CADPS: variants seen among roughly 807,000 people sequenced by gnomAD.
The protein encoded by CADPS is calcium dependent secretion activator.
Under a neutral mutation model 167.3 loss-of-function variants are expected in CADPS, and 57 were observed. That is an observed-to-expected ratio of 0.34 (90% confidence interval 0.28 to 0.42). The LOEUF (loss-of-function observed/expected upper bound fraction) is 0.42. Among genes scored for constraint, CADPS ranks in the 20% least tolerant of loss-of-function variants. CADPS has a pLI of 1.00. For missense variants in CADPS, 1,414 were observed against 1,738.1 expected, an observed-to-expected ratio of 0.81 and a Z score of 3.32; for synonymous variants, 676 against 635.3, an observed-to-expected ratio of 1.06 and a Z score of -0.96.
intron 17 of CADPS, among the ~76,000 whole-genome samples, chr3:62,506,107 C>T (rs569572306): frequency 1.1e-3 from 174 of 152,254 alleles, no homozygotes; most frequent in Middle Eastern, 6.8e-3. Context: ...CTATTTAAGA[C>T]AGCTGTGCGC....
At chr3:62,856,696 T>C (rs1224032144) in intron 1 of CADPS, among the ~76,000 whole-genome samples, 1 of 151,842 alleles carries the variant, frequency 6.6e-6, no homozygotes. Context: ...ATTAATAATA[T>C]TAATACAATA....
At chr3:62,570,218 A>C (rs2081032339) in intron 9 of CADPS, among the ~76,000 whole-genome samples, 1 of 145,186 alleles carries the variant, frequency 6.9e-6, no homozygotes, top group Non-Finnish European at 1.5e-5. Context: ...AACAACTTGA[A>C]GAATTTGGTT....
intron 8 of CADPS, among the ~76,000 whole-genome samples, chr3:62,582,115 A>T (rs529269078): frequency 6.6e-6 from 1 of 152,292 alleles, no homozygotes; most frequent in Non-Finnish European, 1.5e-5. Flanking sequence ...AAACCTTAAC[A>T]TGGGAACAAT....
rs1704844135 is a variant in CADPS, at chr3:62,398,535, A to T, written c.*871T>A. 1 of 152,682 alleles carries T rather than the reference A, an allele frequency of 6.5e-6. No homozygotes were observed. The highest frequency in any genetic ancestry group is 6.5e-5 in the Admixed American group (1 of 15,284). The allele number at this position is 152,682 out of a possible 1,614,324, so 9.5% of individuals were successfully genotyped here. On this transcript the variant is annotated 3_prime_UTR_variant, in exon 30 of 30. Transcript: ENST00000383710. Reference sequence around the variant, plus strand: ...AATGTACATGACAGATATAAAAAACAGTGTGGAACAAAATAATTTAAATTA... The same window carrying T: ...AATGTACATGACAGATATAAAAAACTGTGTGGAACAAAATAATTTAAATTA...
intron 1 of CADPS, among the ~76,000 whole-genome samples, chr3:62,829,928 G>A (rs2074766187): frequency 6.6e-6 from 1 of 152,122 alleles, no homozygotes; most frequent in Non-Finnish European, 1.5e-5. Context: ...CTGACCAACA[G>A]CCAACTTGTT....
chr3:62,651,901 A>AT lies in CADPS; in HGVS notation c.970-822dup, dbSNP rs573976195. Among the ~76,000 whole-genome samples, 78 of 150,824 alleles carry AT rather than the reference A, an allele frequency of 5.2e-4. No homozygotes were observed. In the South Asian group the frequency reaches 0.013, roughly 25 times the overall value. On this transcript the variant is annotated intron_variant, in intron 4 of 29. Transcript: ENST00000383710. The stretch of plus-strand genomic sequence containing the variant: ...CAAGCCAAGTCAGTTTGACATTTTT[A>AT]TTTTTTTTTGCAAGTGACAGAAAAA...
chr3:62,615,103 A>T (rs1408305901), intron 6 of CADPS, among the ~76,000 whole-genome samples: 1 of 152,182 alleles, frequency 6.6e-6, no homozygotes, highest in Non-Finnish European at 1.5e-5. Flanking sequence ...GGACAAGAGA[A>T]TGGTCTGAGA....
chr3:62,810,836 G>T (rs958240609), intron 1 of CADPS, among the ~76,000 whole-genome samples: 1 of 152,216 alleles, frequency 6.6e-6, no homozygotes, highest in Non-Finnish European at 1.5e-5. Context: ...TTGTGAGGGC[G>T]CAGGGCTCTT....
intron 1 of CADPS, among the ~76,000 whole-genome samples, chr3:62,842,762 T>G (rs2076827556): frequency 6.6e-6 from 1 of 152,190 alleles, no homozygotes; most frequent in African/African-American, 2.4e-5. Flanking sequence ...ACCCATGCCC[T>G]CTGATTAGAA....
chr3:62,819,400 C>CTGTG (rs1365425398), intron 1 of CADPS, among the ~76,000 whole-genome samples: 1 of 128,718 alleles, frequency 7.8e-6, no homozygotes, highest in East Asian at 2.4e-4. Flanking sequence ...CAATGACAAT[C>CTGTG]TGTGTGCGTG....
intron 9 of CADPS, among the ~76,000 whole-genome samples, chr3:62,561,078 CAAAAAAAAAAAA>C (rs34584073): frequency 8.9e-4 from 74 of 83,576 alleles, no homozygotes; most frequent in African/African-American, 3.7e-3. Flanking sequence ...AACTCCATCT[CAAAAAAAAAAAA>C]AAAAAAAAGA....
intron 17 of CADPS, among the ~76,000 whole-genome samples, chr3:62,501,786 T>G (rs1227082462): frequency 6.6e-6 from 1 of 152,222 alleles, no homozygotes; most frequent in African/African-American, 2.4e-5. Context: ...ATCCAAGATG[T>G]TGAAGCTAGG....
rs990278950 is a variant in CADPS at position 62,421,210 on chromosome 3, C to T, written c.3777+16894G>A. Reference sequence around the variant, plus strand: ...TCACTCTGCCTTGCCGTCAATGCTTCTCGTCCACAAGGCTCCCTCCCCCTT... The same window carrying T: ...TCACTCTGCCTTGCCGTCAATGCTTTTCGTCCACAAGGCTCCCTCCCCCTT... On this transcript the variant is annotated intron_variant, in intron 28 of 29. Transcript: ENST00000383710. The surrounding 1 kb of genome is among the most constrained non-coding windows in gnomAD (Gnocchi z 4.7). Among the ~76,000 whole-genome samples the T allele has an allele frequency of 6.6e-6, 1 of 152,150 alleles. No individual in the cohort carries two copies. Among genetic ancestry groups the T allele is most frequent in the South Asian group, 2.1e-4 (1 of 4,814 alleles).
chr3:62,445,766 G>A lies in CADPS; in HGVS notation c.3668C>T (p.Pro1223Leu). ...GAGAAACAATTTTCAAATACTCACAGGTACATCCACATATTTGGAAGCTGC... is the reference window on the plus strand; with the variant it reads ...GAGAAACAATTTTCAAATACTCACAAGTACATCCACATATTTGGAAGCTGC... ...VKAASKYVDV[P>L]KPGMDVADAY... is the part of the protein sequence containing the mutation. Residue 1223 changes from proline (P) to leucine (L), a missense_variant and splice_region_variant, in exon 27 of 30, where the codon CCT becomes CTT. Pro to Leu is a moderately conservative substitution (Grantham distance 98). Around this residue, in one of 6 missense-constraint regions of CADPS, gnomAD observed 185 missense variants for 251.5 expected, o/e 0.74. Transcript: ENST00000383710. The A allele has an allele frequency of 2.0e-6, 3 of 1,512,708 alleles. No homozygotes were observed. Among genetic ancestry groups the A allele is most frequent in the African/African-American group, 1.5e-5 (1 of 68,358 alleles). The allele number at this position is 1,512,708 out of a possible 1,614,324, so 93.7% of individuals were successfully genotyped here. A position where few individuals can be genotyped will look rare whatever the true frequency, so the allele number is the denominator to read the frequency against.
intron 1 of CADPS, among the ~76,000 whole-genome samples, chr3:62,772,487 A>C (rs923500630): frequency 1.3e-5 from 2 of 152,328 alleles, no homozygotes; most frequent in African/African-American, 4.8e-5. Context: ...TATTGTCTAT[A>C]GCCATGGTAT....
chr3:62,534,325 C>A (rs1027966081), intron 12 of CADPS, among the ~76,000 whole-genome samples: 2 of 152,114 alleles, frequency 1.3e-5, no homozygotes, highest in African/African-American at 4.8e-5. Flanking sequence ...AGAAGTACAG[C>A]GAGAGAGGCC....
intron 3 of CADPS, among the ~76,000 whole-genome samples, chr3:62,693,073 C>T (rs553025325): frequency 9.4e-4 from 143 of 152,122 alleles, no homozygotes; most frequent in Non-Finnish European, 1.7e-3. Context: ...GCCCTGCTTA[C>T]AATTTCTCGT....
chr3:62,454,423 T>C (rs185855275), intron 26 of CADPS, among the ~76,000 whole-genome samples: 1 of 152,270 alleles, frequency 6.6e-6, no homozygotes, highest in Admixed American at 6.5e-5. Context: ...AGAGGTTAAG[T>C]TGCTGTCCTC....
chr3:62,688,901 TG>T (rs780725455), intron 3 of CADPS, among the ~76,000 whole-genome samples: 17 of 151,916 alleles, frequency 1.1e-4, no homozygotes, highest in Non-Finnish European at 1.5e-4. Flanking sequence ...GGTACAGCAA[TG>T]GGTAATGTGG....
Sources: gnomAD v4.1 joint callset for allele counts (sites outside exome capture counted in the v4.1 genomes callset) on GRCh38, gnomAD v4.1.1 for gene constraint, gnomAD v4.1.1 regional missense constraint, Gnocchi (gnomAD v3.1) non-coding constraint, MANE v1.5 for transcripts, NCBI Gene and HGNC (gene_info 2026-07-23, HGNC 2026-07-21) for gene names.